The following MYRIP variants were observed in gnomAD, a reference collection of about 807,000 sequenced individuals.
The protein encoded by MYRIP is rab effector MyRIP.
MYRIP carries 49 observed loss-of-function variants against 98.0 expected under a neutral mutation model. The ratio of observed to expected loss-of-function variants is 0.50; its 90% CI spans 0.40 to 0.63. MYRIP has a LOEUF of 0.63. MYRIP is among the 30% of genes least tolerant of loss of function. The probability of loss-of-function intolerance (pLI) is 0.00; values close to 1 mark genes in which losing one functional copy is unlikely to be tolerated. For missense variants in MYRIP, 1,004 were observed against 1,058.2 expected (o/e 0.95, Z 0.71); for synonymous variants, 404 against 409.5 (o/e 0.99, Z 0.16).
intron 3 of MYRIP, among the ~76,000 whole-genome samples, chr3:40,074,138 G>A (rs763082942): frequency 4.0e-5 from 6 of 150,980 alleles, no homozygotes; most frequent in East Asian, 1.9e-4. Flanking sequence ...GCAGTGGCGC[G>A]ATCTCGGCTC....
intron 2 of MYRIP, among the ~76,000 whole-genome samples, chr3:39,909,993 C>G (rs1175443607): frequency 6.6e-6 from 1 of 151,936 alleles, no homozygotes. Flanking sequence ...CGGGTTCAAG[C>G]GATTCTCCTG....
At chr3:39,956,388 C>T (rs1037198531) in intron 2 of MYRIP, among the ~76,000 whole-genome samples, 4 of 151,966 alleles carry the variant, frequency 2.6e-5, no homozygotes, top group Non-Finnish European at 5.9e-5. Flanking sequence ...TCAAAACAAC[C>T]CAACTACATG....
At chr3:39,997,944 T>A (rs900184706) in intron 2 of MYRIP, among the ~76,000 whole-genome samples, 1 of 152,074 alleles carries the variant, frequency 6.6e-6, no homozygotes, top group East Asian at 1.9e-4. Flanking sequence ...CACATAATTA[T>A]CTCAATAAAT....
intron 1 of MYRIP, among the ~76,000 whole-genome samples, chr3:39,883,145 A>T (rs1176821231): frequency 6.6e-6 from 1 of 152,124 alleles, no homozygotes; most frequent in African/African-American, 2.4e-5. Context: ...TTCCTTGGAG[A>T]TAGGGAGATA....
At chr3:39,963,401 C>G (rs780795163) in intron 2 of MYRIP, among the ~76,000 whole-genome samples, 50 of 152,142 alleles carry the variant, frequency 3.3e-4, no homozygotes, top group Admixed American at 1.4e-3. Flanking sequence ...TCTCATCCAT[C>G]CATCCATCAT....
intron 2 of MYRIP, among the ~76,000 whole-genome samples, chr3:40,007,037 A>T (rs573202925): frequency 6.6e-6 from 1 of 152,282 alleles, no homozygotes; most frequent in South Asian, 2.1e-4. Context: ...TGATCATTGC[A>T]TGTGTGTGAT....
At chr3:40,130,287 A>G (rs1949609269) in intron 3 of MYRIP, among the ~76,000 whole-genome samples, 1 of 152,190 alleles carries the variant, frequency 6.6e-6, no homozygotes, top group African/African-American at 2.4e-5. Context: ...AAATAATGAT[A>G]ATGATCATTT....
At chr3:40,194,511 A>G (rs1951333351) in intron 10 of MYRIP, among the ~76,000 whole-genome samples, 1 of 152,058 alleles carries the variant, frequency 6.6e-6, no homozygotes, top group Non-Finnish European at 1.5e-5. Context: ...ACTGTTGTGG[A>G]TTTTTAGAAA....
chr3:40,175,933 G>C (rs1269667774), intron 8 of MYRIP, among the ~76,000 whole-genome samples: 2 of 152,244 alleles, frequency 1.3e-5, no homozygotes, highest in Non-Finnish European at 2.9e-5. Flanking sequence ...AATGCCCCCT[G>C]GGGATGTGCA....
chr3:39,811,140 G>T (rs1940673149), intron 1 of MYRIP, among the ~76,000 whole-genome samples: 2 of 152,084 alleles, frequency 1.3e-5, no homozygotes, highest in Admixed American at 1.3e-4. Context: ...TGGGGAGAGC[G>T]TCACCTAGCC....
chr3:39,819,779 C>T (rs761285805), intron 1 of MYRIP, among the ~76,000 whole-genome samples: 4 of 152,200 alleles, frequency 2.6e-5, no homozygotes, highest in African/African-American at 2.4e-5. Flanking sequence ...TTCCAACTTA[C>T]CCTGAGGATG....
Position 40,169,883 on chromosome 3 carries a change from A to T in MYRIP, c.730-67A>T, listed in dbSNP as rs976131884. On this transcript the variant is annotated intron_variant, in intron 7 of 16. Transcript: ENST00000302541. The stretch of plus-strand genomic sequence containing the variant: ...TGAAAAAAATTCCAAAGATGGTCCC[A>T]GTTACTCCACATAGCATCAGGAGGC... The T allele has an allele frequency of 1.6e-5, 25 of 1,600,636 alleles. No homozygotes were observed. The African/African-American group carries it at 1.9e-4, about 12-fold the overall frequency.
intron 2 of MYRIP, among the ~76,000 whole-genome samples, chr3:39,927,033 G>A (rs1309133923): frequency 1.3e-5 from 2 of 151,846 alleles, no homozygotes; most frequent in African/African-American, 4.8e-5. Flanking sequence ...CTCCTTGAGA[G>A]ATCTTTCACC....
intron 2 of MYRIP, among the ~76,000 whole-genome samples, chr3:39,937,974 G>A (rs34346002): frequency 0.09 from 13,737 of 152,174 alleles, 739 homozygotes; most frequent in African/African-American, 0.15. Context: ...GAGAAGTAGG[G>A]ATGAGAGTCC....
At position 39,880,949 on chromosome 3, in the gene MYRIP, T is replaced by C. The variant is rs969798147; in HGVS notation, c.-30-19838T>C. ...ATTCTTCTCAATCCTCTCTGTTGTC[T>C]CTTTCTATATCTCTTTTAACTTTCT... is the stretch of plus-strand genomic sequence containing the variant. On this transcript the variant is annotated intron_variant, in intron 1 of 16. Transcript: ENST00000302541. 2.0e-5 allele frequency among the ~76,000 whole-genome samples: 3 copies of C among 152,184 alleles called. No homozygotes were observed. The East Asian group carries it at 5.8e-4, about 29-fold the overall frequency.
At chr3:40,210,128 G>A in intron 11 of MYRIP, 35 bp downstream of exon 11, 1 of 1,604,950 alleles carries the variant, frequency 6.2e-7, no homozygotes, top group Non-Finnish European at 8.5e-7. Context: ...GACAGCTCAA[G>A]CTTCTGCAGT....
chr3:40,091,765 G>T (rs1161846015), intron 3 of MYRIP, among the ~76,000 whole-genome samples: 1 of 152,082 alleles, frequency 6.6e-6, no homozygotes, highest in Admixed American at 6.5e-5. Context: ...CTACAAATTA[G>T]ACTGCAGGAT....
intron 2 of MYRIP, among the ~76,000 whole-genome samples, chr3:39,969,395 GT>G (rs1945521141): frequency 6.6e-6 from 1 of 152,094 alleles, no homozygotes; most frequent in South Asian, 2.1e-4. Context: ...TCCTTGTCAT[GT>G]GCTAGTTTTC....
chr3:40,205,363 C>T (rs1951763577), intron 10 of MYRIP, among the ~76,000 whole-genome samples: 1 of 152,176 alleles, frequency 6.6e-6, no homozygotes, highest in East Asian at 1.9e-4. Flanking sequence ...TCTGGATCTA[C>T]ATTCACCTTC....
Sources: gnomAD v4.1 joint callset for allele counts (sites outside exome capture counted in the v4.1 genomes callset) on GRCh38, gnomAD v4.1.1 for gene constraint, MANE v1.5 for transcripts, NCBI Gene and HGNC (gene_info 2026-07-23, HGNC 2026-07-21) for gene names.